The following ZDHHC2 variants were observed in gnomAD, a reference collection of about 807,000 sequenced individuals.
The protein encoded by ZDHHC2 is zDHHC palmitoyltransferase 2.
A neutral mutation model predicts 55.6 loss-of-function variants in ZDHHC2; 51 were observed. The observed-to-expected ratio is 0.92, with a 90% CI of 0.73 to 1.16. ZDHHC2 has a LOEUF of 1.16. ZDHHC2 is among the 50% of genes most tolerant of loss of function. ZDHHC2 has a pLI of 0.00. For synonymous variants in ZDHHC2, 199 were observed against 152.9 expected, an observed-to-expected ratio of 1.30 and a Z score of -2.22; for missense variants, 491 against 442.4, an observed-to-expected ratio of 1.11 and a Z score of -0.99.
chr8:17,205,759 T>G lies in ZDHHC2; in HGVS notation c.581T>G (p.Phe194Cys), dbSNP rs750055732. ...ATTGCGGCAACAGATTTACAGTATT[T>G]TATCAAATTTTGGACAGTAAGTCAT... ...LFIAATDLQY[F>C]IKFWTNGLPD... is the part of the protein sequence containing the mutation. The change falls in exon 7 of 13, where the codon TTT becomes TGT. Residue 194 changes from phenylalanine (F) to cysteine (C), a missense_variant. Physicochemically the swap from Phe to Cys is radical, Grantham distance 205 (BLOSUM62 -2). Transcript: ENST00000262096. 5.6e-5 allele frequency: 90 copies of G among 1,606,094 alleles called. No individual in the cohort carries two copies. Among genetic ancestry groups the G allele is most frequent in the Non-Finnish European group, 6.8e-5 (80 of 1,177,728 alleles).
At chr8:17,178,541 ACT>A (rs1212431547) in intron 1 of ZDHHC2, among the ~76,000 whole-genome samples, 1 of 152,090 alleles carries the variant, frequency 6.6e-6, no homozygotes, top group Non-Finnish European at 1.5e-5. Flanking sequence ...CAGCTACCTA[ACT>A]CTGTCATTGT....
intron 6 of ZDHHC2, 57 bp downstream of exon 6, chr8:17,198,470 A>G: frequency 6.7e-7 from 1 of 1,491,916 alleles, no homozygotes; most frequent in Non-Finnish European, 9.1e-7. Context: ...TAATAAATTA[A>G]ATCACTTATC....
intron 3 of ZDHHC2, among the ~76,000 whole-genome samples, chr8:17,194,838 G>C (rs1341749731): frequency 2.0e-5 from 3 of 152,010 alleles, no homozygotes; most frequent in Admixed American, 1.3e-4. Flanking sequence ...ATGATACTGA[G>C]ATTTTTCTTG....
intron 7 of ZDHHC2, 140 bp downstream of exon 7, chr8:17,205,915 C>G (rs1207065958): frequency 4.9e-6 from 4 of 814,568 alleles, no homozygotes; most frequent in Non-Finnish European, 5.4e-6. Flanking sequence ...TTCGCAGATT[C>G]TTTATTTGTT....
At chr8:17,157,795 A>G (rs1420517757) in intron 1 of ZDHHC2, among the ~76,000 whole-genome samples, 3 of 152,166 alleles carry the variant, frequency 2.0e-5, no homozygotes, top group Non-Finnish European at 4.4e-5. Context: ...CCACCTAACA[A>G]AGTGTCTGTT....
At chr8:17,173,807 C>T (rs1414075193) in intron 1 of ZDHHC2, among the ~76,000 whole-genome samples, 3 of 152,036 alleles carry the variant, frequency 2.0e-5, no homozygotes, top group Admixed American at 2.0e-4. Context: ...ATATTCTGTG[C>T]CTCCAAAATT....
chr8:17,195,598 C>G lies in ZDHHC2; in HGVS notation c.347C>G (p.Pro116Arg). ...CTTAGGCGAGCAGCCAAGGATCTTC[C>G]CATCTATACCAGGACCATGTCTGGA... Reference protein sequence around the residue: ...EVLRRAAKDLPIYTRTMSGAI... With the variant: ...EVLRRAAKDLRIYTRTMSGAI... The change falls in exon 4 of 13, where the codon CCC becomes CGC. Residue 116 changes from proline (P) to arginine (R), a missense_variant. By Grantham distance (103) the Pro-to-Arg change is moderately radical. Transcript: ENST00000262096. The G allele has an allele frequency of 6.2e-7, 1 of 1,613,804 alleles. No homozygotes were observed. Among genetic ancestry groups the G allele is most frequent in the South Asian group, 1.1e-5 (1 of 91,072 alleles).
At chr8:17,215,553 T>C (rs1026033478) in intron 11 of ZDHHC2, among the ~76,000 whole-genome samples, 1 of 152,226 alleles carries the variant, frequency 6.6e-6, no homozygotes. Flanking sequence ...TTGTGAAAGA[T>C]GGATCTGCAT....
intron 5 of ZDHHC2, among the ~76,000 whole-genome samples, chr8:17,197,914 A>G (rs1419842121): frequency 6.6e-6 from 1 of 152,168 alleles, no homozygotes; most frequent in East Asian, 1.9e-4. Flanking sequence ...TCAATTTAGG[A>G]AATACTTCTA....
intron 8 of ZDHHC2, 94 bp from the exon 9 acceptor site, chr8:17,209,838 G>A: frequency 2.2e-6 from 3 of 1,393,630 alleles, no homozygotes; most frequent in Non-Finnish European, 1.9e-6. Flanking sequence ...TTGATTTTCA[G>A]AGTTTCTTCA....
chr8:17,191,045 T>A (rs981612772), intron 3 of ZDHHC2, among the ~76,000 whole-genome samples: 1 of 134,320 alleles, frequency 7.4e-6, no homozygotes, highest in Non-Finnish European at 1.5e-5. Context: ...CACTGCAACC[T>A]CTGCCTTCTG....
chr8:17,201,588 G>C (rs1420178542), intron 6 of ZDHHC2, among the ~76,000 whole-genome samples: 1 of 139,612 alleles, frequency 7.2e-6, no homozygotes. Context: ...CGCCTCCTGG[G>C]TTCATGCCAT....
At position 17,212,244 on chromosome 8, in the gene ZDHHC2, C is replaced by G. The variant is rs116799416; in HGVS notation, c.950+1764C>G. On this transcript the variant is annotated intron_variant, in intron 10 of 12. Transcript: ENST00000262096. ...GTGGCAAGTTCTGTTCTCTTCTTTA[C>G]TCCAGAGTTGAATATCTTGCTGTCT... Among the ~76,000 whole-genome samples the G allele has an allele frequency of 3.8e-3, 580 of 152,282 alleles. 1 individual carries two copies. The highest frequency in any genetic ancestry group is 0.013 in the African/African-American group (555 of 41,562).
intron 6 of ZDHHC2, among the ~76,000 whole-genome samples, chr8:17,204,203 G>T (rs868479095): frequency 6.6e-6 from 1 of 152,146 alleles, no homozygotes; most frequent in Non-Finnish European, 1.5e-5. Flanking sequence ...TATATTTTTT[G>T]AGGGAGATGA....
chr8:17,204,405 C>A (rs1806985058), intron 6 of ZDHHC2, among the ~76,000 whole-genome samples: 1 of 152,180 alleles, frequency 6.6e-6, no homozygotes, highest in African/African-American at 2.4e-5. Context: ...GAAAAGGAAA[C>A]CTGTATGTTC....
intron 3 of ZDHHC2, among the ~76,000 whole-genome samples, chr8:17,193,916 C>T (rs1170396940): frequency 6.6e-6 from 1 of 152,162 alleles, no homozygotes; most frequent in East Asian, 1.9e-4. Flanking sequence ...CTGTCCCTCC[C>T]CTAGATCCCC....
At chr8:17,203,364 G>A (rs2150935657) in intron 6 of ZDHHC2, among the ~76,000 whole-genome samples, 2 of 152,194 alleles carry the variant, frequency 1.3e-5, no homozygotes, top group Admixed American at 1.3e-4. Context: ...CCGAGTAGCT[G>A]GAACTACAGC....
At chr8:17,189,127 G>GTTTTTT (rs33942303) in intron 3 of ZDHHC2, among the ~76,000 whole-genome samples, 1 of 83,758 alleles carries the variant, frequency 1.2e-5, no homozygotes, top group African/African-American at 4.7e-5. Flanking sequence ...GTTTTGTTAT[G>GTTTTTT]TTTTTTTTTT....
intron 12 of ZDHHC2, among the ~76,000 whole-genome samples, chr8:17,219,263 A>AAT: frequency 6.6e-6 from 1 of 150,672 alleles, no homozygotes; most frequent in Middle Eastern, 3.4e-3. Flanking sequence ...AAAAAAAAAA[A>AAT]AAAAAAAAAA....
Sources: gnomAD v4.1 joint callset for allele counts (sites outside exome capture counted in the v4.1 genomes callset) on GRCh38, gnomAD v4.1.1 for gene constraint, MANE v1.5 for transcripts, NCBI Gene and HGNC (gene_info 2026-07-23, HGNC 2026-07-21) for gene names.